The following HOOK3 variants were observed in gnomAD, a reference collection of about 807,000 sequenced individuals.
The protein encoded by HOOK3 is hook microtubule tethering protein 3, also known as protein Hook homolog 3.
In HOOK3, 24 loss-of-function variants were observed where a neutral mutation model predicts 116.3. That is an observed-to-expected ratio of 0.21 (90% confidence interval 0.15 to 0.29). HOOK3 has a LOEUF of 0.29. Among genes scored for constraint, HOOK3 ranks in the 10% least tolerant of loss-of-function variants. HOOK3 has a pLI of 1.00. For missense variants in HOOK3, 632 were observed against 830.2 expected, an observed-to-expected ratio of 0.76 and a Z score of 2.93; for synonymous variants, 275 against 283.0, an observed-to-expected ratio of 0.97 and a Z score of 0.28.
chr8:43,015,566 C>A (rs1809696472), intron 21 of HOOK3, among the ~76,000 whole-genome samples: 1 of 152,054 alleles, frequency 6.6e-6, no homozygotes, highest in Non-Finnish European at 1.5e-5. Flanking sequence ...AATTAAAATT[C>A]AAGAAATAGA....
chr8:42,989,769 A>G (rs1809121207), intron 15 of HOOK3, among the ~76,000 whole-genome samples: 1 of 152,016 alleles, frequency 6.6e-6, no homozygotes, highest in African/African-American at 2.4e-5. Flanking sequence ...TAACCATCCC[A>G]TCTACTCTCA....
At chr8:42,899,401 G>C (rs1315983075) in intron 1 of HOOK3, among the ~76,000 whole-genome samples, 1 of 152,198 alleles carries the variant, frequency 6.6e-6, no homozygotes, top group African/African-American at 2.4e-5. Flanking sequence ...TTGGAGGGCA[G>C]TGTTCATGAA....
intron 11 of HOOK3, among the ~76,000 whole-genome samples, chr8:42,972,816 A>C (rs536618841): frequency 2.0e-5 from 3 of 152,238 alleles, no homozygotes; most frequent in South Asian, 2.1e-4. Flanking sequence ...AGGGTGGTTC[A>C]ACAACCACTC....
chr8:42,974,448 A>T (rs1221258126), intron 13 of HOOK3, among the ~76,000 whole-genome samples: 1 of 151,988 alleles, frequency 6.6e-6, no homozygotes, highest in East Asian at 1.9e-4. Context: ...CATGTTGGCC[A>T]GGCTGGTCTG....
intron 2 of HOOK3, among the ~76,000 whole-genome samples, chr8:42,907,836 AAAAC>A: frequency 6.6e-6 from 1 of 150,930 alleles, no homozygotes; most frequent in East Asian, 1.9e-4. Context: ...AAAAAAAAAA[AAAAC>A]AGTAAAAGGT....
At chr8:42,959,024 CAG>C (rs969618386) in intron 7 of HOOK3, among the ~76,000 whole-genome samples, 1 of 152,052 alleles carries the variant, frequency 6.6e-6, no homozygotes, top group Admixed American at 6.6e-5. Context: ...ATTCAAAGGA[CAG>C]AAAAATCAAG....
chr8:42,920,768 A>T (rs1033013832), intron 2 of HOOK3, among the ~76,000 whole-genome samples: 3 of 152,226 alleles, frequency 2.0e-5, no homozygotes, highest in African/African-American at 7.2e-5. Context: ...GAGCTTGGGA[A>T]AATTACTTAA....
At chr8:42,939,206 A>C (rs1411652455) in intron 4 of HOOK3, among the ~76,000 whole-genome samples, 1 of 152,126 alleles carries the variant, frequency 6.6e-6, no homozygotes, top group Non-Finnish European at 1.5e-5. Context: ...CATTGTCATC[A>C]TGGCCCGTTC....
intron 4 of HOOK3, 62 bp from the exon 5 acceptor site, chr8:42,943,251 G>GTTTT: frequency 1.3e-5 from 11 of 873,300 alleles, no homozygotes; most frequent in Admixed American, 7.3e-5. Context: ...CCTCGATCAA[G>GTTTT]TTTTTTTTTT....
At chr8:42,995,718 A>G (rs767298957) in intron 15 of HOOK3, among the ~76,000 whole-genome samples, 94 of 152,208 alleles carry the variant, frequency 6.2e-4, no homozygotes, top group Admixed American at 2.0e-3. Context: ...CAACAAATGT[A>G]AAATCAGATT....
At chr8:42,977,929 T>C (rs867564260) in intron 13 of HOOK3, among the ~76,000 whole-genome samples, 3 of 152,070 alleles carry the variant, frequency 2.0e-5, no homozygotes, top group South Asian at 4.1e-4. Flanking sequence ...CCCAAAAAGA[T>C]TCACAACTTT....
At chr8:43,015,842 C>T (rs1353952474) in intron 21 of HOOK3, among the ~76,000 whole-genome samples, 8 of 151,952 alleles carry the variant, frequency 5.3e-5, no homozygotes, top group African/African-American at 1.7e-4. Context: ...CTTAGCCTCC[C>T]GAGTAACTGG....
At chr8:42,980,621 G>A (rs1055669242) in intron 13 of HOOK3, among the ~76,000 whole-genome samples, 4 of 152,068 alleles carry the variant, frequency 2.6e-5, no homozygotes, top group Admixed American at 6.6e-5. Flanking sequence ...TGGTGCAGTG[G>A]CTCACACCTG....
At chr8:42,897,342 C>G (rs1053824519) in intron 1 of HOOK3, 154 bp downstream of exon 1, 22 of 437,276 alleles carry the variant, frequency 5.0e-5, no homozygotes, top group Non-Finnish European at 7.5e-5. Flanking sequence ...GCCCAGGGTC[C>G]GAGAGAGACT....
intron 2 of HOOK3, among the ~76,000 whole-genome samples, chr8:42,909,082 AAT>A (rs1807372211): frequency 6.6e-6 from 1 of 152,254 alleles, no homozygotes; most frequent in African/African-American, 2.4e-5. Context: ...TCACCAGGGA[AAT>A]ATAAATTAAA....
chr8:42,934,872 A>G (rs1229778663), intron 4 of HOOK3, among the ~76,000 whole-genome samples: 1 of 152,172 alleles, frequency 6.6e-6, no homozygotes, highest in Non-Finnish European at 1.5e-5. Context: ...GTGTCTTTAT[A>G]GTACATTGAT....
At chr8:42,984,896 G>A (rs529950129) in intron 14 of HOOK3, among the ~76,000 whole-genome samples, 1 of 152,204 alleles carries the variant, frequency 6.6e-6, no homozygotes, top group Admixed American at 6.5e-5. Flanking sequence ...GCTAGATTCT[G>A]TCTGAAAAAA....
chr8:43,018,726 A>G lies in HOOK3; in HGVS notation c.*228A>G, dbSNP rs1479981810. On this transcript the variant is annotated 3_prime_UTR_variant, in exon 22 of 22. Coordinates refer to ENST00000307602, the MANE Select transcript of HOOK3 (RefSeq NM_032410.4). ...TTTTTAATGTGCCAAAAATTTGTACATGTTCAATTAAAAATGTTGTATAAT... is the reference window on the plus strand; with the variant it reads ...TTTTTAATGTGCCAAAAATTTGTACGTGTTCAATTAAAAATGTTGTATAAT... 2 of 418,024 alleles carry G rather than the reference A, an allele frequency of 4.8e-6. No individual in the cohort carries two copies. The highest frequency in any genetic ancestry group is 7.2e-5 in the East Asian group (2 of 27,608). The allele number at this position is 418,024 out of a possible 1,614,324, so 25.9% of individuals were successfully genotyped here. A position where few individuals can be genotyped will look rare whatever the true frequency, so the allele number is the denominator to read the frequency against.
chr8:42,902,500 G>A (rs1268539039), intron 1 of HOOK3, among the ~76,000 whole-genome samples: 1 of 152,012 alleles, frequency 6.6e-6, no homozygotes, highest in Non-Finnish European at 1.5e-5. Flanking sequence ...TCGAATTCCT[G>A]GGCTCAAGTG....
Sources: allele counts gnomAD v4.1 joint callset (sites outside exome capture counted in the v4.1 genomes callset), GRCh38; gene constraint gnomAD v4.1.1; transcripts MANE v1.5; gene names NCBI Gene and HGNC (gene_info 2026-07-23, HGNC 2026-07-21).